The following MYO1H variants were observed in gnomAD, a reference collection of about 807,000 sequenced individuals.
MYO1H encodes myosin IH.
In MYO1H, 118 loss-of-function variants were observed where a neutral mutation model predicts 149.3. The ratio of observed to expected loss-of-function variants is 0.79; its 90% CI spans 0.68 to 0.92. MYO1H has a LOEUF of 0.92. MYO1H is among the 40% of genes least tolerant of loss of function. The probability of loss-of-function intolerance (pLI) is 0.00; values close to 1 mark genes in which losing one functional copy is unlikely to be tolerated. For synonymous variants in MYO1H, 447 were observed against 465.2 expected, an observed-to-expected ratio of 0.96 and a Z score of 0.50; for missense variants, 1,212 against 1,280.7, an observed-to-expected ratio of 0.95 and a Z score of 0.82.
At chr12:109,374,121 C>T (rs1303034089) in intron 1 of MYO1H, among the ~76,000 whole-genome samples, 2 of 152,184 alleles carry the variant, frequency 1.3e-5, no homozygotes, top group East Asian at 1.9e-4. Flanking sequence ...TTGATCAGCA[C>T]GTGATGGATT....
intron 21 of MYO1H, 77 bp downstream of exon 21, chr12:109,435,190 CG>C (rs1871807988): frequency 5.2e-6 from 5 of 961,776 alleles, no homozygotes; most frequent in South Asian, 1.6e-5. Flanking sequence ...ATCTTAAACA[CG>C]GGTGTTTGAT....
In MYO1H at chr12:109,415,691, T is replaced by C. The variant is rs1213146055; in HGVS notation, c.1597+71T>C. 6 of 1,162,726 alleles carry C rather than the reference T, an allele frequency of 5.2e-6. No homozygotes were observed. The African/African-American group carries it at 6.1e-5, about 12-fold the overall frequency. 72.0% of individuals were successfully genotyped at this position (1,162,726 alleles called of 1,614,324 possible). On this transcript the variant is annotated intron_variant, in intron 15 of 31. Transcript: ENST00000310903. ...CTGGTGTCTTACAATAAGCTCCGAG[T>C]CCATGCAGGAAATGGTGCACAGCCA...
chr12:109,444,641 C>A, intron 30 of MYO1H, 112 bp downstream of exon 30: 1 of 803,564 alleles, frequency 1.2e-6, no homozygotes, highest in Non-Finnish European at 2.1e-6. Flanking sequence ...CTGAGGTGAG[C>A]AGATAACTTG....
chr12:109,441,702 C>A, exon 26 of MYO1H: 1 of 1,608,270 alleles, frequency 6.2e-7, no homozygotes, highest in Non-Finnish European at 8.5e-7. Context: ...TGTCAACAGT[C>A]GGATAGGTAA....
the MYO1H span, among the ~76,000 whole-genome samples, chr12:109,310,483 C>T: frequency 6.6e-6 from 1 of 152,228 alleles, no homozygotes; most frequent in Non-Finnish European, 1.5e-5. Context: ...GCGTACTGCA[C>T]GTGGACCTCT....
chr12:109,330,462 G>A, the MYO1H span, among the ~76,000 whole-genome samples: 2 of 152,160 alleles, frequency 1.3e-5, no homozygotes, highest in African/African-American at 2.4e-5. Flanking sequence ...GGTTACTCCT[G>A]TGCTTTGGAA....
At chr12:109,332,519 C>T in the MYO1H span, among the ~76,000 whole-genome samples, 15 of 152,310 alleles carry the variant, frequency 9.8e-5, no homozygotes, top group East Asian at 1.4e-3. Context: ...CCCTTGTGGC[C>T]GTTCCTGTCA....
At chr12:109,391,107 A>C (rs1044378992) in intron 2 of MYO1H, among the ~76,000 whole-genome samples, 1 of 152,186 alleles carries the variant, frequency 6.6e-6, no homozygotes, top group African/African-American at 2.4e-5. Context: ...TCAGGGGTAC[A>C]TGTGCAGGAT....
the MYO1H span, among the ~76,000 whole-genome samples, chr12:109,327,516 G>A: frequency 6.6e-5 from 10 of 151,806 alleles, no homozygotes; most frequent in South Asian, 1.5e-3. Context: ...TTGGGAGGCC[G>A]AGGGTGGATC....
chr12:109,444,198 T>C lies in MYO1H; in HGVS notation c.2825-15T>C, dbSNP rs1478989116. 4 of 1,608,646 alleles carry C rather than the reference T, an allele frequency of 2.5e-6. No individual in the cohort carries two copies. Among genetic ancestry groups the C allele is most frequent in the Non-Finnish European group, 3.4e-6 (4 of 1,175,096 alleles). On this transcript the variant is annotated splice_polypyrimidine_tract_variant and intron_variant, in intron 28 of 31. Coordinates refer to ENST00000310903, the Ensembl canonical transcript of MYO1H. ...CTCTCTAGTTCTTGGCTCCTAACTC[T>C]GGATCTGTCTTAAGGTGTCTCCACT...
In MYO1H at chr12:109,390,666, GT is replaced by G. The variant is rs139927979; in HGVS notation, c.174+1832del. Among the ~76,000 whole-genome samples, 175 of 147,248 alleles carry G rather than the reference GT, an allele frequency of 1.2e-3. 1 individual carries two copies. The highest frequency in any genetic ancestry group is 3.6e-3 in the African/African-American group (146 of 40,210). On this transcript the variant is annotated intron_variant, in intron 2 of 31. Coordinates refer to ENST00000310903, the Ensembl canonical transcript of MYO1H. ...ACCCATCCTGTTTTCTTGTTTGTTT[GT>G]TTTTTTTTTCTTTTTCATATGGAGT...
intron 22 of MYO1H, among the ~76,000 whole-genome samples, chr12:109,438,078 GCTCT>G (rs1196804672): frequency 1.7e-5 from 2 of 116,060 alleles, no homozygotes; most frequent in Non-Finnish European, 3.3e-5. Context: ...ACAGAGCAAG[GCTCT>G]GTCTAAAAAA....
chr12:109,326,347 G>C, the MYO1H span, among the ~76,000 whole-genome samples: 1 of 151,924 alleles, frequency 6.6e-6, no homozygotes, highest in Non-Finnish European at 1.5e-5. Context: ...CAGGCTAGTG[G>C]GTCTTGGGAA....
chr12:109,374,040 G>T (rs1175246656), intron 1 of MYO1H, among the ~76,000 whole-genome samples: 2 of 152,138 alleles, frequency 1.3e-5, no homozygotes, highest in Non-Finnish European at 2.9e-5. Flanking sequence ...TGTTATAATA[G>T]AATTAAACTA....
At chr12:109,447,049 C>A in intron 31 of MYO1H, 110 bp from the exon 32 acceptor site, 3 of 1,123,602 alleles carry the variant, frequency 2.7e-6, no homozygotes, top group Non-Finnish European at 4.0e-6. Context: ...TGGCTTCTCA[C>A]AGGCCCTCCA....
the MYO1H span, among the ~76,000 whole-genome samples, chr12:109,311,629 G>A: frequency 6.6e-6 from 1 of 152,184 alleles, no homozygotes. Flanking sequence ...CTTTCACTGA[G>A]CTAAAGGCGG....
At chr12:109,374,025 G>A (rs1048532763) in intron 1 of MYO1H, among the ~76,000 whole-genome samples, 1 of 152,134 alleles carries the variant, frequency 6.6e-6, no homozygotes, top group Non-Finnish European at 1.5e-5. Context: ...CTTATTTGGG[G>A]CCCTTGTTAT....
intron 1 of MYO1H, among the ~76,000 whole-genome samples, chr12:109,385,612 G>T (rs1367694744): frequency 6.6e-6 from 1 of 152,130 alleles, no homozygotes; most frequent in Non-Finnish European, 1.5e-5. Flanking sequence ...CTAAAATATT[G>T]TTTGATCTAA....
intron 1 of MYO1H, among the ~76,000 whole-genome samples, chr12:109,355,695 G>T (rs553627790): frequency 3.3e-5 from 5 of 151,086 alleles, no homozygotes; most frequent in Admixed American, 6.6e-5. Context: ...TGTTTTGTTT[G>T]GTTTGGTTTT....
Sources: gnomAD v4.1 joint callset for allele counts (sites outside exome capture counted in the v4.1 genomes callset) on GRCh38, gnomAD v4.1.1 for gene constraint, MANE v1.5 for transcripts, NCBI Gene and HGNC (gene_info 2026-07-23, HGNC 2026-07-21) for gene names.